The following BAZ2B variants were observed in gnomAD, a reference collection of about 807,000 sequenced individuals.
The protein encoded by BAZ2B is bromodomain adjacent to zinc finger domain protein 2B.
Under a neutral mutation model 246.0 loss-of-function variants are expected in BAZ2B, and 91 were observed. That is an observed-to-expected ratio of 0.37 (90% CI 0.31 to 0.44). BAZ2B has a LOEUF of 0.44. Ranked by LOEUF, BAZ2B falls within the 20% of genes least tolerant of loss-of-function variation. The pLI is 1.00. For missense variants in BAZ2B, 2,332 were observed against 2,533.7 expected, an observed-to-expected ratio of 0.92 and a Z score of 1.71; for synonymous variants, 855 against 860.0, an observed-to-expected ratio of 0.99 and a Z score of 0.10.
In BAZ2B at chr2:159,433,309, T is replaced by C; in HGVS notation, c.1348A>G (p.Ser450Gly). ...AAAGCTGCAATAACCTTCTTCAGGC[T>C]CTTCGATGACTCTTGTTTCTTTAAC... ...SQLKKQESSK[S>G]LKKVIAALSN... Residue 450 changes from serine to glycine, a missense_variant, in exon 9 of 37, where the codon AGC becomes GGC. Transcript: ENST00000392783. The C allele has an allele frequency of 1.2e-6, 2 of 1,614,076 alleles. No individual in the cohort carries two copies. Among genetic ancestry groups the C allele is most frequent in the Non-Finnish European group, 1.7e-6 (2 of 1,180,008 alleles).
downstream of BAZ2B, among the ~76,000 whole-genome samples, chr2:159,317,000 CAATAAAATAAAATAAAATAA>C (rs34405313): frequency 6.7e-6 from 1 of 148,712 alleles, no homozygotes. Flanking sequence ...TACTCTGTCT[CAATAAAATAAAATAAAATAA>C]AATAAAATAA....
At chr2:159,509,448 C>T (rs1200035651) in intron 2 of BAZ2B, among the ~76,000 whole-genome samples, 2 of 152,140 alleles carry the variant, frequency 1.3e-5, no homozygotes, top group African/African-American at 4.8e-5. Flanking sequence ...TAAGAGGTGG[C>T]TATTTACACA....
At position 159,501,782 on chromosome 2, in the gene BAZ2B, G is replaced by A. The variant is rs368605226; in HGVS notation, c.-2-23061C>T. 2.0e-5 allele frequency among the ~76,000 whole-genome samples: 3 copies of A among 152,224 alleles called. No individual in the cohort carries two copies. In the East Asian group the frequency reaches 5.8e-4, roughly 29 times the overall value. On this transcript the variant is annotated intron_variant, in intron 2 of 36. Transcript: ENST00000392783. ...GGCTAAACATTAAGAGTTACTGTAT[G>A]ACCCAGCAATTCAACTCTTAGGTAG...
chr2:159,429,821 T>C (rs985256666), intron 10 of BAZ2B, among the ~76,000 whole-genome samples: 1 of 152,146 alleles, frequency 6.6e-6, no homozygotes. Flanking sequence ...CATCTAAAAT[T>C]AGTAGGCTAT....
chr2:159,569,790 A>G (rs1212179908), intron 1 of BAZ2B, among the ~76,000 whole-genome samples: 4 of 151,842 alleles, frequency 2.6e-5, no homozygotes, highest in African/African-American at 9.7e-5. Flanking sequence ...ACCCCAGTGC[A>G]CTCCAGCCTG....
chr2:159,601,228 G>T (rs879602570), intron 1 of BAZ2B, among the ~76,000 whole-genome samples: 1 of 151,872 alleles, frequency 6.6e-6, no homozygotes, highest in Non-Finnish European at 1.5e-5. Flanking sequence ...CATAAAACAA[G>T]GAACCAAAAA....
chr2:159,510,490 G>A (rs780801063), intron 2 of BAZ2B, among the ~76,000 whole-genome samples: 1 of 152,110 alleles, frequency 6.6e-6, no homozygotes, highest in Non-Finnish European at 1.5e-5. Flanking sequence ...TTACTTAATG[G>A]TTACAGAGTT....
Position 159,564,834 on chromosome 2 carries a change from C to A in BAZ2B, c.-45-8969G>T, listed in dbSNP as rs115720258. Among the ~76,000 whole-genome samples the A allele has an allele frequency of 3.1e-3, 468 of 152,238 alleles. 4 individuals are homozygous for A. Among genetic ancestry groups the A allele is most frequent in the African/African-American group, 0.011 (440 of 41,532 alleles). On this transcript the variant is annotated intron_variant, in intron 1 of 36. Coordinates refer to ENST00000392783, the MANE Select transcript of BAZ2B (RefSeq NM_013450.4). ...GTGACAAATGCTGCCGGGAAAACAA[C>A]ATGAGGACTGAGAAATGACCACTGG...
chr2:159,416,523 A>G (rs1411987828), intron 13 of BAZ2B, among the ~76,000 whole-genome samples: 1 of 152,240 alleles, frequency 6.6e-6, no homozygotes, highest in Non-Finnish European at 1.5e-5. Flanking sequence ...AGTGACTACT[A>G]AAAGTCTGTA....
the BAZ2B span, among the ~76,000 whole-genome samples, chr2:159,666,498 T>C: frequency 6.6e-6 from 1 of 152,082 alleles, no homozygotes; most frequent in African/African-American, 2.4e-5. Flanking sequence ...TGGGCTCAAG[T>C]GATCCAGCGA....
intron 2 of BAZ2B, among the ~76,000 whole-genome samples, chr2:159,505,472 T>A (rs1237465432): frequency 6.6e-6 from 1 of 152,196 alleles, no homozygotes; most frequent in Non-Finnish European, 1.5e-5. Context: ...TAAGAATCAC[T>A]GCCATAGAGC....
chr2:159,625,628 G>A, the BAZ2B span, among the ~76,000 whole-genome samples: 1 of 152,186 alleles, frequency 6.6e-6, no homozygotes, highest in Non-Finnish European at 1.5e-5. Context: ...AGCAAATGCT[G>A]AGAGATTTTG....
At chr2:159,573,985 C>A (rs1684629902) in intron 1 of BAZ2B, among the ~76,000 whole-genome samples, 1 of 151,992 alleles carries the variant, frequency 6.6e-6, no homozygotes, top group South Asian at 2.1e-4. Context: ...CCCATAGTCC[C>A]AGCTACTTGG....
chr2:159,374,504 T>C (rs1392770050), intron 26 of BAZ2B, among the ~76,000 whole-genome samples, 187 bp downstream of exon 26: 9 of 152,248 alleles, frequency 5.9e-5, no homozygotes, highest in Admixed American at 2.0e-4. Flanking sequence ...TAAAGTTCAA[T>C]TGTAAGAATG....
At chr2:159,487,442 G>A (rs1400007553) in intron 2 of BAZ2B, among the ~76,000 whole-genome samples, 1 of 152,026 alleles carries the variant, frequency 6.6e-6, no homozygotes, top group Admixed American at 6.6e-5. Flanking sequence ...TAATAACATG[G>A]GTATCTTTCT....
At chr2:159,364,187 C>T (rs1207954220) in intron 27 of BAZ2B, among the ~76,000 whole-genome samples, 4 of 152,146 alleles carry the variant, frequency 2.6e-5, no homozygotes, top group Admixed American at 1.3e-4. Flanking sequence ...CCAATATTTA[C>T]GGGTTTGCTA....
the BAZ2B span, among the ~76,000 whole-genome samples, chr2:159,708,442 G>T: frequency 1.2e-4 from 18 of 152,322 alleles, no homozygotes; most frequent in African/African-American, 3.6e-4. Context: ...AAGCAGGAAT[G>T]ATCTTTCTAG....
At chr2:159,652,827 A>T in the BAZ2B span, among the ~76,000 whole-genome samples, 1 of 151,990 alleles carries the variant, frequency 6.6e-6, no homozygotes, top group East Asian at 1.9e-4. Context: ...TCTGTAGCCC[A>T]GGCTGGTCTC....
At chr2:159,334,526 G>A (rs2065295958) in intron 33 of BAZ2B, among the ~76,000 whole-genome samples, 1 of 152,132 alleles carries the variant, frequency 6.6e-6, no homozygotes. Context: ...ATTACTATAG[G>A]CACTGTTATG....
Sources: gnomAD v4.1 joint callset for allele counts (sites outside exome capture counted in the v4.1 genomes callset) on GRCh38, gnomAD v4.1.1 for gene constraint, MANE v1.5 for transcripts, NCBI Gene and HGNC (gene_info 2026-07-23, HGNC 2026-07-21) for gene names.